FILIP1L: variants seen among roughly 807,000 people sequenced by gnomAD.
FILIP1L encodes the protein filamin A-interacting protein 1-like.
A neutral mutation model predicts 96.6 loss-of-function variants in FILIP1L; 55 were observed. The ratio of observed to expected loss-of-function variants is 0.57; its 90% CI spans 0.46 to 0.71. The LOEUF (loss-of-function observed/expected upper bound fraction) is 0.71, where lower values mean the gene tolerates loss of function less well. Ranked by LOEUF, FILIP1L falls within the 30% of genes least tolerant of loss-of-function variation. The pLI is 0.00. For synonymous variants in FILIP1L, 467 were observed against 473.9 expected, an observed-to-expected ratio of 0.99 and a Z score of 0.19; for missense variants, 1,304 against 1,321.2, an observed-to-expected ratio of 0.99 and a Z score of 0.20.
chr3:100,090,272 C>T (rs188806231), intron 1 of FILIP1L, among the ~76,000 whole-genome samples: 6 of 152,102 alleles, frequency 3.9e-5, no homozygotes, highest in Non-Finnish European at 2.9e-5. Flanking sequence ...TTAACTGTCC[C>T]GATCTTCTGA....
At chr3:99,851,185 A>G (rs1943679392) in intron 4 of FILIP1L, 115 bp from the exon 5 acceptor site, 1 of 799,882 alleles carries the variant, frequency 1.3e-6, no homozygotes, top group South Asian at 2.2e-5. Flanking sequence ...GTGTCAGTTC[A>G]TATACAATAT....
rs530781442 is a variant in FILIP1L, at chr3:100,052,965, C to T, written c.-11+61088G>A. Among the ~76,000 whole-genome samples the T allele has an allele frequency of 3.3e-5, 5 of 152,174 alleles. No homozygotes were observed. The South Asian group carries it at 1.0e-3, about 32-fold the overall frequency. ...CTAAATAAGATGAAATTTAGTTCATCCCTGGGATAAATGCTCTGTATATCA... is the reference window on the plus strand; with the variant it reads ...CTAAATAAGATGAAATTTAGTTCATTCCTGGGATAAATGCTCTGTATATCA... On this transcript the variant is annotated intron_variant, in intron 1 of 5. Transcript: ENST00000477258.
chr3:100,010,167 G>T (rs1710101842), intron 1 of FILIP1L: 5 of 967,140 alleles, frequency 5.2e-6, no homozygotes, highest in Non-Finnish European at 6.1e-6. Flanking sequence ...TCATTTGATG[G>T]AATTTTCCAT....
chr3:99,930,864 C>T lies in FILIP1L; in HGVS notation c.157G>A (p.Ala53Thr). 6.2e-7 allele frequency: 1 copy of T among 1,612,996 alleles called. No individual in the cohort carries two copies. Residue 53 changes from alanine to threonine, a missense_variant, in exon 2 of 6, where the codon GCA becomes ACA. Transcript: ENST00000477258. Reference protein sequence around the residue: ...ESDVILPCPKAEKPHSGNGHQ... With the variant: ...ESDVILPCPKTEKPHSGNGHQ... ...CCATTACCACTGTGTGGCTTCTCTG[C>T]CTTGGGACACGGAAGTATTACATCC...
chr3:99,881,589 G>A lies in FILIP1L; in HGVS notation c.606-30519C>T, dbSNP rs7625813. 4.5e-3 allele frequency among the ~76,000 whole-genome samples: 681 copies of A among 151,646 alleles called. 6 individuals are homozygous for A. Among genetic ancestry groups the A allele is most frequent in the African/African-American group, 0.016 (667 of 41,308 alleles). ...ACTCTGTTGCCCAGATTGGAGTGCA[G>A]TAGTGCAAGCTCGGCTCACTGCAAC... On this transcript the variant is annotated intron_variant, in intron 4 of 5. Transcript: ENST00000477258.
chr3:100,004,477 C>T lies in FILIP1L; in HGVS notation c.-10-73447G>A, dbSNP rs142311137. Among the ~76,000 whole-genome samples the T allele has an allele frequency of 3.7e-3, 569 of 152,210 alleles. 3 individuals carry two copies. The highest frequency in any genetic ancestry group is 0.013 in the African/African-American group (541 of 41,526). ...CAGAAGGAAAAATCCAATGAGGTCACCCATCAGAGTGGTGGAGAAAAAGGA... is the reference window on the plus strand; with the variant it reads ...CAGAAGGAAAAATCCAATGAGGTCATCCATCAGAGTGGTGGAGAAAAAGGA... On this transcript the variant is annotated intron_variant, in intron 1 of 5. Transcript: ENST00000477258.
At chr3:100,014,895 C>CTTTTTTTTTTTTTTTTTTTTTTTTTTCT (rs1233573719) in intron 1 of FILIP1L, among the ~76,000 whole-genome samples, 1 of 25,006 alleles carries the variant, frequency 4.0e-5, no homozygotes, top group Admixed American at 5.7e-4. Flanking sequence ...TTCTTTCTTT[C>CTTTTTTTTTTTTTTTTTTTTTTTTTTCT]TTTTTTTTTT....
chr3:100,021,960 T>TGTGTGTGAGAGAGAGAGAGAGAGAGA (rs1321185364), intron 1 of FILIP1L, among the ~76,000 whole-genome samples: 1 of 93,288 alleles, frequency 1.1e-5, no homozygotes, highest in African/African-American at 4.0e-5. Flanking sequence ...TGTGTGTGTG[T>TGTGTGTGAGAGAGAGAGAGAGAGAGA]GAGAGAGAGA....
Position 99,973,232 on chromosome 3 carries a change from A to G in FILIP1L, c.-10-42202T>C, listed in dbSNP as rs933203217. Among the ~76,000 whole-genome samples, 4 of 152,180 alleles carry G rather than the reference A, an allele frequency of 2.6e-5. No homozygotes were observed. In the South Asian group the frequency reaches 8.3e-4, roughly 32 times the overall value. ...AACATCATAAACAAAATGAATAAAAATTTTTTTTCTCTTCTTGTGATCTCA... is the reference window on the plus strand; with the variant it reads ...AACATCATAAACAAAATGAATAAAAGTTTTTTTTCTCTTCTTGTGATCTCA... On this transcript the variant is annotated intron_variant, in intron 1 of 5. Transcript: ENST00000477258.
At chr3:100,019,116 T>G (rs1710430254) in intron 1 of FILIP1L, among the ~76,000 whole-genome samples, 1 of 152,216 alleles carries the variant, frequency 6.6e-6, no homozygotes, top group Admixed American at 6.5e-5. Flanking sequence ...TACAGCAGTA[T>G]GGAGGTTCCT....
chr3:99,949,942 A>G (rs1192000932), intron 1 of FILIP1L, among the ~76,000 whole-genome samples: 1 of 152,228 alleles, frequency 6.6e-6, no homozygotes, highest in Non-Finnish European at 1.5e-5. Flanking sequence ...GCTGCTTTAT[A>G]CATATTCTTG....
chr3:99,900,313 A>C (rs1205624058), intron 4 of FILIP1L, among the ~76,000 whole-genome samples: 1 of 152,200 alleles, frequency 6.6e-6, no homozygotes, highest in East Asian at 1.9e-4. Context: ...TATTAATAAC[A>C]ACTAACACAT....
intron 1 of FILIP1L, among the ~76,000 whole-genome samples, chr3:100,032,904 C>T (rs2065044009): frequency 1.3e-5 from 2 of 152,128 alleles, no homozygotes; most frequent in Non-Finnish European, 2.9e-5. Context: ...TTCCCTGCAA[C>T]AAGCCTGCAA....
chr3:99,870,681 C>T (rs952951666), intron 4 of FILIP1L, among the ~76,000 whole-genome samples: 1 of 152,160 alleles, frequency 6.6e-6, no homozygotes, highest in Non-Finnish European at 1.5e-5. Context: ...AATTATAAGC[C>T]CTAGGCTAGC....
In FILIP1L at chr3:100,112,087, C is replaced by T. The variant is rs146027862; in HGVS notation, c.-11+1966G>A. ...ATGAATGAATGAACAAATGAGCAAA[C>T]AAACTAAGCTATTACTATAAAAGTG... On this transcript the variant is annotated intron_variant, in intron 1 of 5. Transcript: ENST00000477258. 3.7e-4 allele frequency among the ~76,000 whole-genome samples: 57 copies of T among 152,280 alleles called. 1 individual carries two copies. The South Asian group carries it at 8.5e-3, about 23-fold the overall frequency.
Position 99,874,736 on chromosome 3 carries a change from C to T in FILIP1L, c.606-23666G>A, listed in dbSNP as rs1370472305. ...ATTAGAAATATACAGATATAACCCA[C>T]ATTTTGAGTATTTTTTAAATGCTGT... On this transcript the variant is annotated intron_variant, in intron 4 of 5. Transcript: ENST00000477258. 5.9e-5 allele frequency among the ~76,000 whole-genome samples: 9 copies of T among 152,172 alleles called. 1 individual carries two copies. Among genetic ancestry groups the T allele is most frequent in the Non-Finnish European group, 1.3e-4 (9 of 68,020 alleles).
At chr3:99,974,743 T>C (rs1474343958) in intron 1 of FILIP1L, among the ~76,000 whole-genome samples, 1 of 152,082 alleles carries the variant, frequency 6.6e-6, no homozygotes, top group Non-Finnish European at 1.5e-5. Flanking sequence ...CAAAAACTCA[T>C]GTTTGGAGTG....
intron 1 of FILIP1L, among the ~76,000 whole-genome samples, chr3:100,110,305 G>C (rs147976390): frequency 6.6e-6 from 1 of 152,048 alleles, no homozygotes; most frequent in South Asian, 2.1e-4. Context: ...GTCACAACCT[G>C]TCAGTTTAAT....
intron 4 of FILIP1L, among the ~76,000 whole-genome samples, chr3:99,895,114 A>G (rs1559679342): frequency 6.6e-6 from 1 of 152,094 alleles, no homozygotes; most frequent in Admixed American, 6.5e-5. Flanking sequence ...CTGGCTTTTT[A>G]TATAGAGAGA....
Sources: allele counts gnomAD v4.1 joint callset (sites outside exome capture counted in the v4.1 genomes callset), GRCh38; gene constraint gnomAD v4.1.1; transcripts MANE v1.5; gene names NCBI Gene and HGNC (gene_info 2026-07-23, HGNC 2026-07-21).